Variants in CNTN5 observed in about 807,000 individuals in gnomAD.
CNTN5 encodes the protein contactin-5.
Under a neutral mutation model 129.1 loss-of-function variants are expected in CNTN5, and 77 were observed. The ratio of observed to expected loss-of-function variants is 0.60; its 90% confidence interval spans 0.50 to 0.72. The LOEUF (loss-of-function observed/expected upper bound fraction) is 0.72, where lower values mean the gene tolerates loss of function less well. Among genes scored for constraint, CNTN5 ranks in the 30% least tolerant of loss-of-function variants. The pLI is 0.00. For synonymous variants in CNTN5, 509 were observed against 465.6 expected (o/e 1.09, Z -1.20); for missense variants, 1,478 against 1,328.8 (o/e 1.11, Z -1.75).
intron 2 of CNTN5, among the ~76,000 whole-genome samples, chr11:99,451,726 A>G (rs1209003485): frequency 6.6e-6 from 1 of 152,182 alleles, no homozygotes; most frequent in Non-Finnish European, 1.5e-5. Context: ...TTTTAAACAT[A>G]GTACCTAGAT....
chr11:99,310,204 G>C (rs1865050573), intron 1 of CNTN5, among the ~76,000 whole-genome samples: 1 of 152,000 alleles, frequency 6.6e-6, no homozygotes, highest in African/African-American at 2.4e-5. Flanking sequence ...TCTACAGAAA[G>C]ACACATACAA....
intron 3 of CNTN5, among the ~76,000 whole-genome samples, chr11:99,797,962 G>A (rs1021656687): frequency 5.3e-5 from 8 of 151,906 alleles, no homozygotes; most frequent in African/African-American, 1.7e-4. Flanking sequence ...AATATTTACT[G>A]AATTTTTATT....
chr11:99,308,306 A>G (rs1279409442), intron 1 of CNTN5, among the ~76,000 whole-genome samples: 1 of 152,236 alleles, frequency 6.6e-6, no homozygotes, highest in Non-Finnish European at 1.5e-5. Flanking sequence ...GAAACAGACC[A>G]GTAAGCAAAA....
rs536968266 is a variant in CNTN5 at position 99,440,803 on chromosome 11, C to A, written c.-71+115319C>A. 6.3e-4 allele frequency among the ~76,000 whole-genome samples: 96 copies of A among 152,138 alleles called. No homozygotes were observed. The South Asian group carries it at 0.02, about 31-fold the overall frequency. ...TATGTCCAGGCTTGGAAGTCATATT[C>A]TGTTGGTGAAAATGTAATCCCGTGA... On this transcript the variant is annotated intron_variant, in intron 2 of 24. Coordinates refer to ENST00000524871, the MANE Select transcript of CNTN5 (RefSeq NM_014361.4).
At chr11:99,831,611 T>C (rs1947142541) in intron 4 of CNTN5, among the ~76,000 whole-genome samples, 1 of 150,988 alleles carries the variant, frequency 6.6e-6, no homozygotes, top group Admixed American at 6.6e-5. Context: ...CCAGTGACCA[T>C]AACTTTTTTT....
intron 1 of CNTN5, among the ~76,000 whole-genome samples, chr11:99,097,372 C>G (rs1037759134): frequency 1.8e-4 from 28 of 151,810 alleles, no homozygotes; most frequent in Admixed American, 2.6e-4. Context: ...TGTATTACCA[C>G]TAATTCAAAA....
intron 1 of CNTN5, among the ~76,000 whole-genome samples, chr11:99,160,908 T>G (rs915132109): frequency 1.3e-5 from 2 of 152,196 alleles, no homozygotes; most frequent in African/African-American, 2.4e-5. Flanking sequence ...TCTGATTGAA[T>G]AGATCACGTA....
chr11:100,108,474 C>T (rs1227817648), intron 13 of CNTN5, among the ~76,000 whole-genome samples: 1 of 152,104 alleles, frequency 6.6e-6, no homozygotes, highest in Non-Finnish European at 1.5e-5. Flanking sequence ...CAGCACAAAG[C>T]TTCAATAAAT....
At chr11:100,069,865 T>G (rs962758121) in intron 10 of CNTN5, among the ~76,000 whole-genome samples, 2 of 152,136 alleles carry the variant, frequency 1.3e-5, no homozygotes, top group African/African-American at 4.8e-5. Flanking sequence ...CAACAGTATC[T>G]CATTCTTAAT....
intron 13 of CNTN5, among the ~76,000 whole-genome samples, chr11:100,140,031 A>G (rs1946642865): frequency 6.6e-6 from 1 of 152,172 alleles, no homozygotes; most frequent in Non-Finnish European, 1.5e-5. Context: ...GCAGGGTGTC[A>G]TGATAAGTTA....
chr11:99,463,672 T>G (rs950449172), intron 2 of CNTN5, among the ~76,000 whole-genome samples: 2 of 152,126 alleles, frequency 1.3e-5, no homozygotes, highest in African/African-American at 4.8e-5. Context: ...TAGAACCATT[T>G]AATATATTAT....
At chr11:100,207,190 ATT>A (rs1948934288) in intron 15 of CNTN5, among the ~76,000 whole-genome samples, 1 of 152,134 alleles carries the variant, frequency 6.6e-6, no homozygotes, top group Non-Finnish European at 1.5e-5. Context: ...GTATTCAGAT[ATT>A]ATACTGATGA....
chr11:99,489,574 A>G (rs1565225987), intron 2 of CNTN5, among the ~76,000 whole-genome samples: 1 of 152,182 alleles, frequency 6.6e-6, no homozygotes, highest in Non-Finnish European at 1.5e-5. Flanking sequence ...ATGAAGGCTT[A>G]ATATCTGAGA....
At chr11:99,030,534 G>A (rs372849146) in intron 1 of CNTN5, among the ~76,000 whole-genome samples, 2 of 152,030 alleles carry the variant, frequency 1.3e-5, no homozygotes, top group East Asian at 1.9e-4. Context: ...GAAAAGGGAT[G>A]TCCTTCATTT....
At chr11:99,160,935 A>G (rs1860578969) in intron 1 of CNTN5, among the ~76,000 whole-genome samples, 1 of 152,200 alleles carries the variant, frequency 6.6e-6, no homozygotes, top group African/African-American at 2.4e-5. Flanking sequence ...TATAATACAC[A>G]TATGGTATTA....
At chr11:99,595,242 A>T (rs1950090056) in intron 3 of CNTN5, among the ~76,000 whole-genome samples, 1 of 152,232 alleles carries the variant, frequency 6.6e-6, no homozygotes. Flanking sequence ...GTAAACGTTT[A>T]AAGTGATTGA....
intron 3 of CNTN5, among the ~76,000 whole-genome samples, chr11:99,566,701 T>C (rs1340586676): frequency 6.6e-6 from 1 of 152,158 alleles, no homozygotes; most frequent in African/African-American, 2.4e-5. Context: ...ACTGGTGTAA[T>C]AGAGATTTTA....
At chr11:99,692,076 G>A (rs889471174) in intron 3 of CNTN5, among the ~76,000 whole-genome samples, 1 of 151,808 alleles carries the variant, frequency 6.6e-6, no homozygotes, top group Admixed American at 6.6e-5. Context: ...TGCTTTTTTA[G>A]GTTTTCCATT....
intron 1 of CNTN5, among the ~76,000 whole-genome samples, chr11:99,033,587 A>G (rs1330806061): frequency 6.6e-6 from 1 of 151,912 alleles, no homozygotes; most frequent in African/African-American, 2.4e-5. Context: ...GTTGGTGTAT[A>G]AGAATGCTTG....
Sources: allele counts gnomAD v4.1 joint callset (sites outside exome capture counted in the v4.1 genomes callset), GRCh38; gene constraint gnomAD v4.1.1; transcripts MANE v1.5; gene names NCBI Gene and HGNC (gene_info 2026-07-23, HGNC 2026-07-21).